The following GRM7 variants were observed in gnomAD, a reference collection of about 807,000 sequenced individuals.
GRM7 encodes the protein glutamate metabotropic receptor 7.
A neutral mutation model predicts 84.5 loss-of-function variants in GRM7; 35 were observed. That is an observed-to-expected ratio of 0.41 (90% CI 0.32 to 0.55). The LOEUF (loss-of-function observed/expected upper bound fraction) is 0.55. GRM7 is among the 20% of genes least tolerant of loss of function. The probability of loss-of-function intolerance (pLI) is 0.19; values close to 1 mark genes in which losing one functional copy is unlikely to be tolerated. For synonymous variants in GRM7, 487 were observed against 455.1 expected (o/e 1.07, Z -0.89); for missense variants, 1,003 against 1,194.6 (o/e 0.84, Z 2.36).
At chr3:7,404,791 A>AT (rs755094366) in intron 4 of GRM7, among the ~76,000 whole-genome samples, 4 of 151,764 alleles carry the variant, frequency 2.6e-5, no homozygotes, top group African/African-American at 7.3e-5. Flanking sequence ...TGAGTCCTAC[A>AT]TAAAAAAAAA....
intron 2 of GRM7, among the ~76,000 whole-genome samples, chr3:7,254,051 G>C (rs1698108749): frequency 6.6e-6 from 1 of 152,196 alleles, no homozygotes. Flanking sequence ...AGTGCAAGGA[G>C]AGGTAGGGTA....
chr3:6,893,533 A>T (rs1696052711), intron 1 of GRM7, among the ~76,000 whole-genome samples: 1 of 152,164 alleles, frequency 6.6e-6, no homozygotes, highest in Non-Finnish European at 1.5e-5. Flanking sequence ...TGAGCATCCA[A>T]AACATGCCCA....
At chr3:6,987,629 T>G (rs1309777080) in intron 1 of GRM7, among the ~76,000 whole-genome samples, 1 of 152,196 alleles carries the variant, frequency 6.6e-6, no homozygotes, top group Admixed American at 6.5e-5. Flanking sequence ...TTGAGAGCTA[T>G]TCAAGCTAGA....
intron 8 of GRM7, among the ~76,000 whole-genome samples, chr3:7,628,570 C>T (rs1487515960): frequency 2.0e-5 from 3 of 152,152 alleles, no homozygotes; most frequent in Non-Finnish European, 4.4e-5. Context: ...TTTGTTTCTT[C>T]ATTGTAAAAT....
chr3:7,362,500 T>C (rs528168098), intron 4 of GRM7, among the ~76,000 whole-genome samples: 30 of 152,154 alleles, frequency 2.0e-4, no homozygotes, highest in African/African-American at 5.5e-4. Flanking sequence ...TCTTTTTTTT[T>C]CCCCACAGCT....
At chr3:7,147,659 G>A (rs1256570992) in intron 2 of GRM7, among the ~76,000 whole-genome samples, 1 of 152,132 alleles carries the variant, frequency 6.6e-6, no homozygotes, top group African/African-American at 2.4e-5. Context: ...TCCGGATACG[G>A]ATGATGCTAG....
intron 1 of GRM7, among the ~76,000 whole-genome samples, chr3:6,878,176 G>A (rs1016051586): frequency 1.3e-5 from 2 of 151,954 alleles, no homozygotes; most frequent in Non-Finnish European, 2.9e-5. Context: ...ATTTCTCTTT[G>A]TATTTACATT....
intron 2 of GRM7, among the ~76,000 whole-genome samples, chr3:7,198,621 C>T (rs1290884589): frequency 6.6e-6 from 1 of 152,200 alleles, no homozygotes; most frequent in East Asian, 1.9e-4. Flanking sequence ...AGAACACTTA[C>T]ATTAGCCTAT....
At chr3:6,976,631 A>G (rs1464565665) in intron 1 of GRM7, among the ~76,000 whole-genome samples, 1 of 152,152 alleles carries the variant, frequency 6.6e-6, no homozygotes, top group Non-Finnish European at 1.5e-5. Context: ...GCAGTTGGCC[A>G]TAGGAGCCTC....
At chr3:7,549,362 T>C (rs556742513) in intron 7 of GRM7, among the ~76,000 whole-genome samples, 3 of 152,162 alleles carry the variant, frequency 2.0e-5, no homozygotes, top group Non-Finnish European at 2.9e-5. Flanking sequence ...TAATATCACA[T>C]AGGCACCTTA....
intron 1 of GRM7, among the ~76,000 whole-genome samples, chr3:6,929,943 A>G (rs1697441892): frequency 6.6e-6 from 1 of 152,176 alleles, no homozygotes; most frequent in Non-Finnish European, 1.5e-5. Context: ...ACAAATTTTT[A>G]CAAGGCAGAC....
intron 7 of GRM7, among the ~76,000 whole-genome samples, chr3:7,492,615 TTCTA>T (rs1225912522): frequency 6.6e-6 from 1 of 152,130 alleles, no homozygotes; most frequent in East Asian, 1.9e-4. Flanking sequence ...TTTGTGATAA[TTCTA>T]TCTATTTTAT....
At chr3:7,611,073 A>T (rs1305821207) in intron 8 of GRM7, among the ~76,000 whole-genome samples, 1 of 152,154 alleles carries the variant, frequency 6.6e-6, no homozygotes, top group Non-Finnish European at 1.5e-5. Flanking sequence ...TACCTCATGG[A>T]TCACATCCAA....
chr3:7,036,626 G>GT lies in GRM7; in HGVS notation c.520-109819dup, dbSNP rs533739629. 1.1e-4 allele frequency among the ~76,000 whole-genome samples: 16 copies of GT among 152,152 alleles called. 1 individual carries two copies. The highest frequency in any genetic ancestry group is 2.9e-4 in the African/African-American group (12 of 41,542). ...GAAATTGACATTTTATTTCACGTGG[G>GT]TTTTTTTCGTTAAAATTATATATGC... On this transcript the variant is annotated intron_variant, in intron 1 of 9. Coordinates refer to ENST00000357716, the MANE Select transcript of GRM7 (RefSeq NM_000844.4).
In GRM7 at chr3:7,299,294, C is replaced by G. The variant is rs923919241; in HGVS notation, c.878+469C>G. Among the ~76,000 whole-genome samples the G allele has an allele frequency of 2.0e-5, 3 of 152,098 alleles. No individual in the cohort carries two copies. The South Asian group carries it at 6.2e-4, about 31-fold the overall frequency. On this transcript the variant is annotated intron_variant, in intron 3 of 9. Transcript: ENST00000357716. ...CTTGATCTTTCTTGGACTCAAAAATCTGCTTGTAATCTTGACTTTGCTTTT... is the reference window on the plus strand; with the variant it reads ...CTTGATCTTTCTTGGACTCAAAAATGTGCTTGTAATCTTGACTTTGCTTTT...
At chr3:7,110,171 T>C (rs1279598275) in intron 1 of GRM7, among the ~76,000 whole-genome samples, 1 of 152,124 alleles carries the variant, frequency 6.6e-6, no homozygotes, top group Non-Finnish European at 1.5e-5. Context: ...TGATTTACTA[T>C]ACCACCTAAA....
At chr3:7,692,350 A>C (rs1700838627) in intron 9 of GRM7, among the ~76,000 whole-genome samples, 1 of 152,164 alleles carries the variant, frequency 6.6e-6, no homozygotes, top group Non-Finnish European at 1.5e-5. Context: ...TAGAATGATG[A>C]CTGAGTGGAA....
At chr3:7,343,496 A>G (rs529425364) in intron 4 of GRM7, among the ~76,000 whole-genome samples, 1 of 152,256 alleles carries the variant, frequency 6.6e-6, no homozygotes, top group South Asian at 2.1e-4. Flanking sequence ...TTACAGGCAT[A>G]AGCCACTGCT....
chr3:7,317,753 T>A (rs1700634198), intron 4 of GRM7, among the ~76,000 whole-genome samples: 1 of 151,558 alleles, frequency 6.6e-6, no homozygotes, highest in Non-Finnish European at 1.5e-5. Flanking sequence ...CCTAGAATTC[T>A]CTGATTTTCT....
Sources: gnomAD v4.1 joint callset for allele counts (sites outside exome capture counted in the v4.1 genomes callset) on GRCh38, gnomAD v4.1.1 for gene constraint, MANE v1.5 for transcripts, NCBI Gene and HGNC (gene_info 2026-07-23, HGNC 2026-07-21) for gene names.